The following EFR3A variants were observed in gnomAD, a reference collection of about 807,000 sequenced individuals.
The protein encoded by EFR3A is protein EFR3 homolog A.
A neutral mutation model predicts 104.4 loss-of-function variants in EFR3A; 76 were observed. The observed-to-expected ratio is 0.73, with a 90% CI of 0.60 to 0.88. The LOEUF (loss-of-function observed/expected upper bound fraction) is 0.88. Ranked by LOEUF, EFR3A falls within the 40% of genes least tolerant of loss-of-function variation. The pLI, the probability that EFR3A is intolerant of heterozygous loss-of-function variation, is 0.00. For synonymous variants in EFR3A, 330 were observed against 330.0 expected (o/e 1.00, Z 0.00); for missense variants, 985 against 1,012.5 (o/e 0.97, Z 0.37).
chr8:131,950,141 A>C, intron 5 of EFR3A, 51 bp downstream of exon 5: 2 of 1,502,240 alleles, frequency 1.3e-6, no homozygotes, highest in Non-Finnish European at 1.8e-6. Context: ...AGAGATTAAT[A>C]TTGTGTTCAT....
At chr8:131,994,723 T>C (rs1470501991) in intron 18 of EFR3A, among the ~76,000 whole-genome samples, 1 of 152,184 alleles carries the variant, frequency 6.6e-6, no homozygotes, top group Non-Finnish European at 1.5e-5. Context: ...GAGATAAAGA[T>C]GGCTTATTTA....
intron 1 of EFR3A, among the ~76,000 whole-genome samples, chr8:131,930,051 C>T (rs887565890): frequency 7.9e-5 from 12 of 152,120 alleles, no homozygotes; most frequent in Non-Finnish European, 1.5e-4. Context: ...TGCCCTATAA[C>T]TCCATGGAGA....
At chr8:131,994,167 CAA>C (rs1481836375) in intron 18 of EFR3A, among the ~76,000 whole-genome samples, 3 of 151,560 alleles carry the variant, frequency 2.0e-5, no homozygotes, top group Non-Finnish European at 4.4e-5. Context: ...CACGTGAGCC[CAA>C]GAGTTTGAGG....
chr8:131,989,290 T>C (rs1821044945), intron 18 of EFR3A, among the ~76,000 whole-genome samples: 1 of 152,156 alleles, frequency 6.6e-6, no homozygotes, highest in South Asian at 2.1e-4. Flanking sequence ...ATTTAAAAAA[T>C]TCAAGGGATT....
intron 19 of EFR3A, among the ~76,000 whole-genome samples, chr8:132,001,338 G>GT (rs778046397): frequency 1.8e-4 from 27 of 152,126 alleles, no homozygotes; most frequent in Non-Finnish European, 3.5e-4. Flanking sequence ...GTACTTAGTT[G>GT]TTTTTTATCA....
intron 7 of EFR3A, among the ~76,000 whole-genome samples, chr8:131,956,117 A>G (rs1420085242): frequency 6.6e-6 from 1 of 152,196 alleles, no homozygotes; most frequent in African/African-American, 2.4e-5. Flanking sequence ...TTAAGTATGA[A>G]GTGTAATAAT....
intron 10 of EFR3A, among the ~76,000 whole-genome samples, chr8:131,970,921 T>TTC (rs938638463): frequency 2.6e-5 from 4 of 151,626 alleles, no homozygotes; most frequent in African/African-American, 7.3e-5. Flanking sequence ...TCTTCCTCCC[T>TTC]TCTCTCTCTC....
chr8:131,920,968 A>G (rs1011809716), intron 1 of EFR3A, among the ~76,000 whole-genome samples: 1 of 152,232 alleles, frequency 6.6e-6, no homozygotes, highest in African/African-American at 2.4e-5. Flanking sequence ...GATGAGGGAT[A>G]GATAGGAGCA....
intron 1 of EFR3A, among the ~76,000 whole-genome samples, chr8:131,914,142 G>A (rs942576735): frequency 2.0e-5 from 3 of 152,132 alleles, no homozygotes; most frequent in African/African-American, 4.8e-5. Flanking sequence ...ATCTACAGTG[G>A]GGGGGACACT....
At chr8:131,993,343 C>G (rs1349153414) in intron 18 of EFR3A, among the ~76,000 whole-genome samples, 4 of 152,134 alleles carry the variant, frequency 2.6e-5, no homozygotes, top group African/African-American at 9.7e-5. Flanking sequence ...TGGCACATTA[C>G]TCATACTGTA....
At chr8:131,938,840 T>C (rs1818029536) in intron 1 of EFR3A, among the ~76,000 whole-genome samples, 1 of 152,052 alleles carries the variant, frequency 6.6e-6, no homozygotes, top group Non-Finnish European at 1.5e-5. Context: ...GTTTCCTCAT[T>C]TATCCAATGG....
intron 1 of EFR3A, among the ~76,000 whole-genome samples, chr8:131,920,698 T>TC (rs1787696166): frequency 6.6e-6 from 1 of 152,004 alleles, no homozygotes; most frequent in South Asian, 2.1e-4. Flanking sequence ...TTTTTTTTTT[T>TC]CAAAAAGAAC....
At position 132,010,795 on chromosome 8, in the gene EFR3A, C is replaced by A; in HGVS notation, c.2366C>A (p.Pro789His). Residue 789 changes from proline to histidine, a missense_variant, in exon 23 of 23, where the codon CCT (proline) becomes CAT (histidine). By Grantham distance (77) the Pro-to-His change is moderately conservative (BLOSUM62 -2). Transcript: ENST00000254624. ...AQILELTIRP[P>H]PSPSGTLTIT... Reference sequence around the variant, plus strand: ...GTATTTTTGTTCTTTTATAGTCCTCCTCCCAGTCCATCAGGAACACTGACC... The same window carrying A: ...GTATTTTTGTTCTTTTATAGTCCTCATCCCAGTCCATCAGGAACACTGACC... 1 of 1,612,012 alleles carries A rather than the reference C, an allele frequency of 6.2e-7. No individual in the cohort carries two copies. The highest frequency in any genetic ancestry group is 8.5e-7 in the Non-Finnish European group (1 of 1,178,606).
At chr8:131,912,813 A>G (rs1168605380) in intron 1 of EFR3A, among the ~76,000 whole-genome samples, 1 of 152,150 alleles carries the variant, frequency 6.6e-6, no homozygotes, top group Non-Finnish European at 1.5e-5. Flanking sequence ...TAGCCTGTAG[A>G]AAAGAACTTT....
chr8:131,962,683 A>G (rs1819440941), intron 8 of EFR3A, among the ~76,000 whole-genome samples: 1 of 152,156 alleles, frequency 6.6e-6, no homozygotes, highest in South Asian at 2.1e-4. Flanking sequence ...ATACAAGGAT[A>G]TCCAGGAATT....
chr8:131,989,211 A>G (rs554960482), intron 18 of EFR3A, among the ~76,000 whole-genome samples: 1 of 152,332 alleles, frequency 6.6e-6, no homozygotes, highest in Non-Finnish European at 1.5e-5. Context: ...AACAGAATAA[A>G]CAGTGATATT....
At chr8:131,990,813 A>C (rs1368581945) in intron 18 of EFR3A, among the ~76,000 whole-genome samples, 12 of 152,260 alleles carry the variant, frequency 7.9e-5, no homozygotes, top group South Asian at 2.1e-4. Flanking sequence ...ATTTATAGGC[A>C]TTTGATTGGT....
chr8:131,904,445 C>A, intron 1 of EFR3A, 123 bp downstream of exon 1: 2 of 964,538 alleles, frequency 2.1e-6, no homozygotes, highest in Non-Finnish European at 2.7e-6. Context: ...CAGGAAGTGT[C>A]TGCGAGCGGC....
intron 5 of EFR3A, among the ~76,000 whole-genome samples, chr8:131,950,666 G>T (rs113813254): frequency 0.021 from 3,176 of 152,200 alleles, 53 homozygotes; most frequent in Middle Eastern, 0.044. Context: ...TGAGGACTTT[G>T]GTTTGAGGAC....
Sources: gnomAD v4.1 joint callset for allele counts (sites outside exome capture counted in the v4.1 genomes callset) on GRCh38, gnomAD v4.1.1 for gene constraint, MANE v1.5 for transcripts, NCBI Gene and HGNC (gene_info 2026-07-23, HGNC 2026-07-21) for gene names.